Variants in SVIP observed in about 807,000 individuals in gnomAD.
SVIP encodes the protein small VCP interacting protein, also known as small VCP/p97-interacting protein.
A neutral mutation model predicts 12.9 loss-of-function variants in SVIP; 14 were observed. The observed-to-expected ratio is 1.08, with a 90% CI of 0.72 to 1.70. The LOEUF (loss-of-function observed/expected upper bound fraction) is 1.70, where lower values mean the gene tolerates loss of function less well. Among genes scored for constraint, SVIP ranks in the 40% most tolerant of loss-of-function variants. SVIP has a pLI of 0.00. For missense variants in SVIP, 93 were observed against 90.8 expected (o/e 1.02, Z -0.10); for synonymous variants, 35 against 33.3 (o/e 1.05, Z -0.17).
rs1049522293 is a variant in SVIP, at chr11:22,820,184, C to A, written c.*2935G>T. 6.6e-6 allele frequency: 1 copy of A among 152,198 alleles called. No individual in the cohort carries two copies. The highest frequency in any genetic ancestry group is 1.9e-4 in the East Asian group (1 of 5,198). 9.4% of individuals were successfully genotyped at this position (152,198 alleles called of 1,614,324 possible). On this transcript the variant is annotated 3_prime_UTR_variant, in exon 4 of 4. Transcript: ENST00000354193. The stretch of plus-strand genomic sequence containing the variant: ...TCTCAACACATATAGGCAGTCATGG[C>A]TACTTACCTCTTACTGGTCTATTCA...
chr11:22,829,499 C>A, intron 1 of SVIP, 196 bp downstream of exon 1: 1 of 508,728 alleles, frequency 2.0e-6, no homozygotes, highest in East Asian at 3.4e-5. Context: ...AAGTGGAGAT[C>A]TACACGGAGG....
intron 2 of SVIP, among the ~76,000 whole-genome samples, chr11:22,827,544 A>G (rs1036890669): frequency 6.6e-5 from 10 of 152,120 alleles, no homozygotes; most frequent in African/African-American, 2.4e-4. Context: ...CTTGCTTCAC[A>G]TCTGTAAGTA....
At chr11:22,824,445 C>CATAT (rs1353475307) in intron 3 of SVIP, among the ~76,000 whole-genome samples, 28 of 105,980 alleles carry the variant, frequency 2.6e-4, no homozygotes, top group African/African-American at 8.2e-4. Flanking sequence ...TACACACACA[C>CATAT]ATATATATAT....
At chr11:22,825,303 T>A (rs1314431818) in intron 3 of SVIP, among the ~76,000 whole-genome samples, 2 of 152,176 alleles carry the variant, frequency 1.3e-5, no homozygotes, top group African/African-American at 2.4e-5. Context: ...TTTTCCCTTC[T>A]GTTATCCCTG....
At position 22,827,837 on chromosome 11, in the gene SVIP, C is replaced by G; in HGVS notation, c.92G>C (p.Arg31Thr). 3 of 1,580,924 alleles carry G rather than the reference C, an allele frequency of 1.9e-6. No homozygotes were observed. The highest frequency in any genetic ancestry group is 1.7e-6 in the Non-Finnish European group (2 of 1,165,520). Residue 31 changes from arginine (R) to threonine (T), a missense_variant, in exon 2 of 4, where the codon AGA becomes ACA. Arg to Thr is a moderately conservative substitution (Grantham distance 71). Transcript: ENST00000354193. ...CTTTAATCTTACCTCTTTTTGTCTTCTCTCTGCAGCCTCTGCAAGCTTTGC... is the reference window on the plus strand; with the variant it reads ...CTTTAATCTTACCTCTTTTTGTCTTGTCTCTGCAGCCTCTGCAAGCTTTGC... Reference protein sequence around the residue: ...KRAKLAEAAERRQKEAASRGI... With the variant: ...KRAKLAEAAETRQKEAASRGI...
At chr11:22,826,790 G>A (rs201860002) in intron 3 of SVIP, among the ~76,000 whole-genome samples, 1 of 152,156 alleles carries the variant, frequency 6.6e-6, no homozygotes, top group African/African-American at 2.4e-5. Flanking sequence ...GCGTAAAAGA[G>A]CTCAGGCCAT....
chr11:22,827,043 T>A (rs1356698724), intron 3 of SVIP, among the ~76,000 whole-genome samples, 164 bp downstream of exon 3: 2 of 152,126 alleles, frequency 1.3e-5, no homozygotes, highest in Admixed American at 6.5e-5. Flanking sequence ...TTCCAATAAA[T>A]GTTAAAATAA....
Position 22,829,782 on chromosome 11 carries a change from G to A in SVIP, c.-34C>T, listed in dbSNP as rs771039468. On this transcript the variant is annotated 5_prime_UTR_variant, in exon 1 of 4. Coordinates refer to ENST00000354193, the MANE Select transcript of SVIP (RefSeq NM_148893.3). ...CAGCTTGAGAACCCTGACCGGGTCC[G>A]GCCCAGGCCAGGCGGCGCTAACTGC... 2.6e-5 allele frequency: 41 copies of A among 1,581,844 alleles called. No homozygotes were observed. The South Asian group carries it at 4.7e-4, about 18-fold the overall frequency.
chr11:22,818,955 G>A lies in SVIP; in HGVS notation c.*4164C>T, dbSNP rs558975454. On this transcript the variant is annotated 3_prime_UTR_variant, in exon 4 of 4. Coordinates refer to ENST00000354193, the MANE Select transcript of SVIP (RefSeq NM_148893.3). ...ATTTAGATCTTAATTTATTGGCAAT[G>A]TTTTGTCATTTTTAATGTCTACAGT... 1 of 152,136 alleles carries A rather than the reference G, an allele frequency of 6.6e-6. No homozygotes were observed. Among genetic ancestry groups the A allele is most frequent in the Non-Finnish European group, 1.5e-5 (1 of 67,964 alleles). 9.4% of individuals were successfully genotyped at this position (152,136 alleles called of 1,614,324 possible). A position where few individuals can be genotyped will look rare whatever the true frequency, so the allele number is the denominator to read the frequency against.
At chr11:22,827,696 T>C in intron 2 of SVIP, 128 bp downstream of exon 2, 3 of 564,878 alleles carry the variant, frequency 5.3e-6, no homozygotes, top group Non-Finnish European at 9.1e-6. Flanking sequence ...TGAAAATAAT[T>C]ACATTTAAAT....
At chr11:22,826,270 T>C (rs1351376480) in intron 3 of SVIP, among the ~76,000 whole-genome samples, 3 of 152,172 alleles carry the variant, frequency 2.0e-5, no homozygotes, top group South Asian at 4.1e-4. Context: ...GCTCAGGGTG[T>C]TCATAAACTG....
chr11:22,826,786 AAGAGCTC>A (rs916436494), intron 3 of SVIP, among the ~76,000 whole-genome samples: 2 of 152,266 alleles, frequency 1.3e-5, no homozygotes, highest in Middle Eastern at 3.4e-3. Context: ...CAATGCGTAA[AAGAGCTC>A]AGGCCATAAA....
intron 3 of SVIP, among the ~76,000 whole-genome samples, chr11:22,826,772 A>C (rs1230615344): frequency 6.6e-6 from 1 of 152,188 alleles, no homozygotes; most frequent in African/African-American, 2.4e-5. Context: ...CAAAGATTCC[A>C]AATCAATGCG....
intron 3 of SVIP, among the ~76,000 whole-genome samples, chr11:22,826,227 T>G (rs1267369829): frequency 6.6e-6 from 1 of 152,176 alleles, no homozygotes. Context: ...CACACATTCT[T>G]ATTTCTGTGA....
chr11:22,825,106 C>A (rs191003219), intron 3 of SVIP, among the ~76,000 whole-genome samples: 1 of 151,884 alleles, frequency 6.6e-6, no homozygotes, highest in South Asian at 2.1e-4. Flanking sequence ...ACAGGGAATG[C>A]AAACTAGACT....
At position 22,829,744 on chromosome 11, in the gene SVIP, C is replaced by T; in HGVS notation, c.5G>A (p.Gly2Glu). The change falls in exon 1 of 4, where the codon GGG becomes GAG. Residue 2 changes from glycine (G) to glutamate (E), a missense_variant. Transcript: ENST00000354193. M[G>E]LCFPCPGESA... ...CTCCCCGGGACAAGGAAAACACAGC[C>T]CCATAGGGACGACAGCTTGAGAACC... is the stretch of plus-strand genomic sequence containing the variant. 1 of 1,606,678 alleles carries T rather than the reference C, an allele frequency of 6.2e-7. No homozygotes were observed.
rs1295785696 is a variant in SVIP, at chr11:22,821,047, A to G, written c.*2072T>C. On this transcript the variant is annotated 3_prime_UTR_variant, in exon 4 of 4. Coordinates refer to ENST00000354193, the MANE Select transcript of SVIP (RefSeq NM_148893.3). The stretch of plus-strand genomic sequence containing the variant: ...TGTCTGGACGTATGTGTGTATGTGC[A>G]TGTGTGTGTGTGTATATACACACAC... 4 of 149,526 alleles carry G rather than the reference A, an allele frequency of 2.7e-5. No homozygotes were observed. The highest frequency in any genetic ancestry group is 5.9e-5 in the Non-Finnish European group (4 of 67,432). The allele number at this position is 149,526 out of a possible 1,614,324, so 9.3% of individuals were successfully genotyped here. A position where few individuals can be genotyped will look rare whatever the true frequency, so the allele number is the denominator to read the frequency against.
intron 3 of SVIP, among the ~76,000 whole-genome samples, chr11:22,823,420 G>A (rs1857552543): frequency 6.6e-6 from 1 of 152,170 alleles, no homozygotes; most frequent in South Asian, 2.1e-4. Flanking sequence ...TGTAGAATGT[G>A]CTGGGAATGT....
Position 22,819,558 on chromosome 11 carries a change from A to AG in SVIP, c.*3560dup, listed in dbSNP as rs1857414856. On this transcript the variant is annotated 3_prime_UTR_variant, in exon 4 of 4. Coordinates refer to ENST00000354193, the MANE Select transcript of SVIP (RefSeq NM_148893.3). ...AGGCCAAGGCGGCAGGGATCACCTG[A>AG]GGTCAGGAGTTCGAGACCAGCCTGA... 1 of 152,310 alleles carries AG rather than the reference A, an allele frequency of 6.6e-6. No individual in the cohort carries two copies. The highest frequency in any genetic ancestry group is 2.4e-5 in the African/African-American group (1 of 41,472). 9.4% of individuals were successfully genotyped at this position (152,310 alleles called of 1,614,324 possible). A position where few individuals can be genotyped will look rare whatever the true frequency, so the allele number is the denominator to read the frequency against.
Sources: allele counts gnomAD v4.1 joint callset (sites outside exome capture counted in the v4.1 genomes callset), GRCh38; gene constraint gnomAD v4.1.1; transcripts MANE v1.5; gene names NCBI Gene and HGNC (gene_info 2026-07-23, HGNC 2026-07-21).